CDH4: variants seen among roughly 807,000 people sequenced by gnomAD.
The protein encoded by CDH4 is cadherin-4.
In CDH4, 33 loss-of-function variants were observed where a neutral mutation model predicts 86.0. The observed-to-expected ratio is 0.38, with a 90% confidence interval of 0.29 to 0.51. The LOEUF is 0.51. Among genes scored for constraint, CDH4 ranks in the 20% least tolerant of loss-of-function variants. The pLI is 0.86. For missense variants in CDH4, 1,114 were observed against 1,307.4 expected (o/e 0.85, Z 2.28); for synonymous variants, 555 against 549.4 (o/e 1.01, Z -0.14).
At chr20:61,522,222 C>G (rs1003811863) in intron 2 of CDH4, among the ~76,000 whole-genome samples, 9 of 152,286 alleles carry the variant, frequency 5.9e-5, no homozygotes, top group Admixed American at 5.9e-4. Flanking sequence ...TGTGATACCC[C>G]CTCACCCCTA....
chr20:61,864,629 C>T (rs1468861979), intron 6 of CDH4, among the ~76,000 whole-genome samples: 1 of 152,192 alleles, frequency 6.6e-6, no homozygotes, highest in Non-Finnish European at 1.5e-5. Context: ...CCGCAGCTCC[C>T]TCTCCAGGAC....
intron 2 of CDH4, among the ~76,000 whole-genome samples, chr20:61,716,559 T>C (rs1240918833): frequency 3.9e-5 from 6 of 152,190 alleles, no homozygotes; most frequent in Non-Finnish European, 1.5e-5. Flanking sequence ...GTCTACAGAA[T>C]AGTGCAGGCT....
Position 61,383,090 on chromosome 20 carries a change from T to TATATATATGAATATATTATATATAGA in CDH4, c.169+128178_169+128203dup, listed in dbSNP as rs1484732614. Among the ~76,000 whole-genome samples the TATATATATGAATATATTATATATAGA allele has an allele frequency of 7.3e-4, 84 of 115,448 alleles. 10 individuals are homozygous for TATATATATGAATATATTATATATAGA. Among genetic ancestry groups the TATATATATGAATATATTATATATAGA allele is most frequent in the African/African-American group, 9.8e-4 (26 of 26,578 alleles). 75.7% of individuals were successfully genotyped at this position (115,448 alleles called of 152,430 possible). A position where few individuals can be genotyped will look rare whatever the true frequency, so the allele number is the denominator to read the frequency against. On this transcript the variant is annotated intron_variant, in intron 2 of 15. Coordinates refer to ENST00000614565, the MANE Select transcript of CDH4 (RefSeq NM_001794.5). Reference sequence around the variant, plus strand: ...CATATATATATAATATATATATGAATATATATATGAATATATTATATATAG... The same window carrying TATATATATGAATATATTATATATAGA: ...CATATATATATAATATATATATGAATATATATATGAATATATTATATATAGAATATATATGAATATATTATATATAG...
Position 61,709,896 on chromosome 20 carries a change from C to T in CDH4, c.170-33667C>T, listed in dbSNP as rs375951869. On this transcript the variant is annotated intron_variant, in intron 2 of 15. Transcript: ENST00000614565. The surrounding 1 kb of genome is among the most constrained non-coding windows in gnomAD (Gnocchi z 4.8). ...CAGAATGTTGGAAAACAGATGATCA[C>T]GTCTGTTTTTGTAGCCGTGTGAGAG... 2.0e-5 allele frequency among the ~76,000 whole-genome samples: 3 copies of T among 152,182 alleles called. No homozygotes were observed. Among genetic ancestry groups the T allele is most frequent in the East Asian group, 1.9e-4 (1 of 5,180 alleles).
rs561535348 is a variant in CDH4 at position 61,611,181 on chromosome 20, TCAGCCC to T, written c.170-132362_170-132357del. 7.3e-4 allele frequency among the ~76,000 whole-genome samples: 111 copies of T among 151,868 alleles called. 1 individual carries two copies. Among genetic ancestry groups the T allele is most frequent in the East Asian group, 2.1e-3 (11 of 5,142 alleles). On this transcript the variant is annotated intron_variant, in intron 2 of 15. Coordinates refer to ENST00000614565, the MANE Select transcript of CDH4 (RefSeq NM_001794.5). ...ACTGCAGTGAGTGGGGCCGGAGCTTTCAGCCCCAGCCCCAGCCCCAGCCCCTTTCCT... is the reference window on the plus strand; with the variant it reads ...ACTGCAGTGAGTGGGGCCGGAGCTTTCAGCCCCAGCCCCAGCCCCTTTCCT...
At chr20:61,320,470 C>T (rs1038582268) in intron 2 of CDH4, among the ~76,000 whole-genome samples, 9 of 151,976 alleles carry the variant, frequency 5.9e-5, no homozygotes, top group East Asian at 1.9e-4. Context: ...CCACAGGGAG[C>T]GGTGACCTGG....
At chr20:61,335,849 G>T (rs2084614185) in intron 2 of CDH4, among the ~76,000 whole-genome samples, 1 of 152,184 alleles carries the variant, frequency 6.6e-6, no homozygotes, top group Non-Finnish European at 1.5e-5. Flanking sequence ...GTAAGAGCTG[G>T]TTCTACCCAC....
chr20:61,386,595 G>C (rs556554741), intron 2 of CDH4, among the ~76,000 whole-genome samples: 1 of 152,214 alleles, frequency 6.6e-6, no homozygotes, highest in Non-Finnish European at 1.5e-5. Context: ...TAGAGAGGCT[G>C]GGTTACCTGG....
At chr20:61,908,604 C>T (rs181115895) in intron 8 of CDH4, among the ~76,000 whole-genome samples, 202 of 152,312 alleles carry the variant, frequency 1.3e-3, no homozygotes, top group Non-Finnish European at 2.2e-3. Flanking sequence ...GGCCGCCCGA[C>T]GCCCGTTTCC....
At chr20:61,560,074 TGCCA>T (rs1600758630) in intron 2 of CDH4, among the ~76,000 whole-genome samples, 1 of 152,226 alleles carries the variant, frequency 6.6e-6, no homozygotes, top group East Asian at 1.9e-4. Context: ...AGATCGACCC[TGCCA>T]CTCGAACTTC....
intron 3 of CDH4, among the ~76,000 whole-genome samples, chr20:61,772,694 A>T (rs1450963125): frequency 6.6e-6 from 1 of 152,184 alleles, no homozygotes; most frequent in African/African-American, 2.4e-5. Flanking sequence ...GGGTGAGCTT[A>T]AAAAGCCCTG....
intron 2 of CDH4, among the ~76,000 whole-genome samples, chr20:61,553,812 G>T (rs980510072): frequency 6.6e-6 from 1 of 152,212 alleles, no homozygotes; most frequent in Non-Finnish European, 1.5e-5. Context: ...CTGTGTTGCT[G>T]CTGGACCTCG....
chr20:61,451,247 C>A (rs191404130), intron 2 of CDH4, among the ~76,000 whole-genome samples: 21 of 152,014 alleles, frequency 1.4e-4, no homozygotes, highest in African/African-American at 4.8e-4. Flanking sequence ...ATACTTGGCA[C>A]CTGGCTTCAA....
rs1250734617 is a variant in CDH4 at position 61,858,213 on chromosome 20, GTCTGTGTC to G, written c.877+5325_877+5332del. 3.5e-4 allele frequency among the ~76,000 whole-genome samples: 53 copies of G among 150,972 alleles called. 1 individual carries two copies. The highest frequency in any genetic ancestry group is 1.1e-3 in the African/African-American group (44 of 40,976). ...TGTGTGTCTCTGTGTCTATATGTGT[GTCTGTGTC>G]TCTGTGTCTGTGTGTCTGTGTCTGT... On this transcript the variant is annotated intron_variant, in intron 6 of 15. Coordinates refer to ENST00000614565, the MANE Select transcript of CDH4 (RefSeq NM_001794.5).
rs753827955 is a variant in CDH4, at chr20:61,852,765, C to T, written c.744C>T (p.His248=). 20 of 1,612,234 alleles carry T rather than the reference C, an allele frequency of 1.2e-5. No individual in the cohort carries two copies. The highest frequency in any genetic ancestry group is 6.7e-5 in the East Asian group (3 of 44,792). Residue 248 remains histidine, a synonymous_variant, in exon 6 of 16, where the codon CAC becomes CAT. Coordinates refer to ENST00000614565, the MANE Select transcript of CDH4 (RefSeq NM_001794.5). ...TGCTGCTTTTCCAGCTCCGAGCCCA[C>T]GCTGTGGACATGAATGGCAACAAGG... The part of the protein sequence containing the change: ...EEHASYHLRA[H]AVDMNGNKVE...
chr20:61,350,147 C>T, intron 2 of CDH4, among the ~76,000 whole-genome samples: 2 of 81,642 alleles, frequency 2.4e-5, no homozygotes. Context: ...AGCGGAACAC[C>T]TCTGACCTTG....
chr20:61,779,153 C>T (rs1978398737), intron 4 of CDH4, among the ~76,000 whole-genome samples: 1 of 152,214 alleles, frequency 6.6e-6, no homozygotes, highest in African/African-American at 2.4e-5. Flanking sequence ...TTAAGAAGAG[C>T]ATCTATTGCT....
intron 2 of CDH4, among the ~76,000 whole-genome samples, chr20:61,296,992 G>A (rs151333508): frequency 4.3e-4 from 65 of 152,318 alleles, no homozygotes; most frequent in African/African-American, 1.5e-3. Flanking sequence ...AATTAAGTGA[G>A]AGGGACCCCA....
chr20:61,402,373 A>C (rs576462798), intron 2 of CDH4, among the ~76,000 whole-genome samples: 1 of 151,448 alleles, frequency 6.6e-6, no homozygotes, highest in Admixed American at 6.5e-5. Context: ...AAGTCTGTAC[A>C]TGTTCAGTAC....
Sources: allele counts gnomAD v4.1 joint callset (sites outside exome capture counted in the v4.1 genomes callset), GRCh38; gene constraint gnomAD v4.1.1; non-coding constraint Gnocchi (gnomAD v3.1); transcripts MANE v1.5; gene names NCBI Gene and HGNC (gene_info 2026-07-23, HGNC 2026-07-21).